Variants in CAMTA1 observed in about 807,000 individuals in gnomAD.
CAMTA1 encodes the protein calmodulin-binding transcription activator 1.
CAMTA1 carries 27 observed loss-of-function variants against 170.9 expected under a neutral mutation model. The observed-to-expected ratio is 0.16, with a 90% confidence interval of 0.12 to 0.22. CAMTA1 has a LOEUF of 0.22. Among genes scored for constraint, CAMTA1 ranks in the 10% least tolerant of loss-of-function variants. The pLI is 1.00. For synonymous variants in CAMTA1, 833 were observed against 891.5 expected, an observed-to-expected ratio of 0.93 and a Z score of 1.17; for missense variants, 1,619 against 2,217.2, an observed-to-expected ratio of 0.73 and a Z score of 5.42.
chr1:7,554,411 G>A (rs1393936090), intron 6 of CAMTA1, among the ~76,000 whole-genome samples: 1 of 152,106 alleles, frequency 6.6e-6, no homozygotes, highest in African/African-American at 2.4e-5. Context: ...CTTACATGCT[G>A]CGATAACAAA....
At chr1:7,422,882 C>T (rs545535874) in intron 5 of CAMTA1, among the ~76,000 whole-genome samples, 2 of 152,324 alleles carry the variant, frequency 1.3e-5, no homozygotes, top group East Asian at 1.9e-4. Flanking sequence ...CCCGTGGATG[C>T]GAGGGGCCCT....
chr1:7,537,659 C>T (rs991779017), intron 6 of CAMTA1, among the ~76,000 whole-genome samples: 10 of 152,156 alleles, frequency 6.6e-5, no homozygotes, highest in African/African-American at 9.7e-5. Context: ...CTTCTCAGCC[C>T]GTCCTCACTG....
Position 7,214,674 on chromosome 1 carries a change from T to C in CAMTA1, c.303-34817T>C, listed in dbSNP as rs150829428. Among the ~76,000 whole-genome samples, 16 of 152,276 alleles carry C rather than the reference T, an allele frequency of 1.1e-4. No homozygotes were observed. In the East Asian group the frequency reaches 3.1e-3, roughly 29 times the overall value. ...AGCCACTGTGCCCGGCCCAAAGATTTTAATTTTCATGAAGTCTACTTTACC... is the reference window on the plus strand; with the variant it reads ...AGCCACTGTGCCCGGCCCAAAGATTCTAATTTTCATGAAGTCTACTTTACC... On this transcript the variant is annotated intron_variant, in intron 4 of 22. Coordinates refer to ENST00000303635, the MANE Select transcript of CAMTA1 (RefSeq NM_015215.4).
intron 3 of CAMTA1, among the ~76,000 whole-genome samples, chr1:6,951,624 C>A (rs1293723027): frequency 6.6e-6 from 1 of 152,214 alleles, no homozygotes; most frequent in East Asian, 1.9e-4. Flanking sequence ...CAGGAGACCC[C>A]AGTCTCCTCC....
At chr1:7,579,552 CTTTTTTTTTTTTTTT>C (rs3034816) in intron 6 of CAMTA1, among the ~76,000 whole-genome samples, 2 of 79,200 alleles carry the variant, frequency 2.5e-5, no homozygotes, top group Admixed American at 3.2e-4. Context: ...CTTTTCTTTT[CTTTTTTTTTTTTTTT>C]TTTTTTTTTT....
chr1:6,855,101 A>T (rs1015804221), intron 3 of CAMTA1, among the ~76,000 whole-genome samples: 13 of 151,658 alleles, frequency 8.6e-5, no homozygotes, highest in Admixed American at 3.9e-4. Flanking sequence ...GTAGAAAATT[A>T]AAAAAAACCT....
chr1:7,160,185 G>T (rs1162919287), intron 4 of CAMTA1, among the ~76,000 whole-genome samples: 1 of 152,104 alleles, frequency 6.6e-6, no homozygotes, highest in Non-Finnish European at 1.5e-5. Flanking sequence ...GGAGGAAGAG[G>T]TTGCAGTGAG....
At chr1:7,666,489 G>T (rs1210961034) in intron 9 of CAMTA1, among the ~76,000 whole-genome samples, 1 of 152,212 alleles carries the variant, frequency 6.6e-6, no homozygotes, top group Non-Finnish European at 1.5e-5. Flanking sequence ...AAGCAGTAGA[G>T]GAATCTCTGC....
chr1:7,220,425 C>T (rs994165380), intron 4 of CAMTA1, among the ~76,000 whole-genome samples: 2 of 152,208 alleles, frequency 1.3e-5, no homozygotes, highest in Non-Finnish European at 2.9e-5. Flanking sequence ...TGAGTCTCGC[C>T]TGCTGTGGGC....
chr1:7,668,852 ACTGT>A (rs2096027918), intron 9 of CAMTA1, among the ~76,000 whole-genome samples: 1 of 152,136 alleles, frequency 6.6e-6, no homozygotes, highest in Non-Finnish European at 1.5e-5. Context: ...TCACATGGTA[ACTGT>A]CTGTGGCCTT....
At chr1:7,489,209 G>T (rs1274607498) in intron 6 of CAMTA1, among the ~76,000 whole-genome samples, 1 of 152,230 alleles carries the variant, frequency 6.6e-6, no homozygotes, top group East Asian at 1.9e-4. Flanking sequence ...CCGCCCCCTA[G>T]ACACACTCCC....
chr1:7,245,218 A>T (rs928780439), intron 4 of CAMTA1, among the ~76,000 whole-genome samples: 5 of 148,468 alleles, frequency 3.4e-5, no homozygotes, highest in South Asian at 2.3e-4. Context: ...TATATATATC[A>T]CACACACACA....
In CAMTA1 at chr1:7,041,162, C is replaced by A. The variant is rs781720532; in HGVS notation, c.235-50142C>A. ...AAAGTTGGCCCCAAGCCAGTGCGGGCGACGGTGTCAGCCACCCTTGGTTCA... is the reference window on the plus strand; with the variant it reads ...AAAGTTGGCCCCAAGCCAGTGCGGGAGACGGTGTCAGCCACCCTTGGTTCA... On this transcript the variant is annotated intron_variant, in intron 3 of 22. Coordinates refer to ENST00000303635, the MANE Select transcript of CAMTA1 (RefSeq NM_015215.4). This position sits in a 1 kb window ranked among gnomAD's most constrained non-coding sequence, Gnocchi z 5.1. 1.2e-4 allele frequency among the ~76,000 whole-genome samples: 18 copies of A among 152,244 alleles called. No individual in the cohort carries two copies. Among genetic ancestry groups the A allele is most frequent in the Non-Finnish European group, 2.1e-4 (14 of 68,040 alleles).
chr1:7,452,935 A>G lies in CAMTA1; in HGVS notation c.439-14895A>G, dbSNP rs191889655. Among the ~76,000 whole-genome samples the G allele has an allele frequency of 1.5e-4, 23 of 152,356 alleles. No individual in the cohort carries two copies. In the East Asian group the frequency reaches 4.4e-3, roughly 29 times the overall value. On this transcript the variant is annotated intron_variant, in intron 5 of 22. Coordinates refer to ENST00000303635, the MANE Select transcript of CAMTA1 (RefSeq NM_015215.4). ...TGTTTAACTTTTTGAGGAATGGGCCACAGTTTCTCTATGAAGTTCAAACGA... is the reference window on the plus strand; with the variant it reads ...TGTTTAACTTTTTGAGGAATGGGCCGCAGTTTCTCTATGAAGTTCAAACGA...
intron 4 of CAMTA1, among the ~76,000 whole-genome samples, chr1:7,242,771 AAAATAAATAAATAAAT>A (rs199861423): frequency 6.2e-5 from 9 of 145,462 alleles, no homozygotes; most frequent in Admixed American, 1.4e-4. Flanking sequence ...TACTGAAAAT[AAAATAAATAAATAAAT>A]AAATAAATAA....
intron 3 of CAMTA1, among the ~76,000 whole-genome samples, chr1:7,045,925 G>A (rs1306759589): frequency 3.3e-5 from 5 of 152,236 alleles, no homozygotes; most frequent in Non-Finnish European, 5.9e-5. Context: ...GCATTTGGCA[G>A]TGATGCACTG....
intron 3 of CAMTA1, among the ~76,000 whole-genome samples, chr1:7,081,573 T>C (rs576740933): frequency 1.3e-5 from 2 of 152,350 alleles, no homozygotes; most frequent in Non-Finnish European, 2.9e-5. Flanking sequence ...CTATATTGGT[T>C]CATGGTCTTA....
rs181819539 is a variant in CAMTA1, at chr1:6,991,954, G to A, written c.235-99350G>A. On this transcript the variant is annotated intron_variant, in intron 3 of 22. Transcript: ENST00000303635. ...TGGCCTCAAGTGATCCGCCTGCCTC[G>A]GCCTCCCAAAGTGCTGGGATTACAG... 5.3e-3 allele frequency among the ~76,000 whole-genome samples: 812 copies of A among 151,856 alleles called. 24 individuals are homozygous for A. The highest frequency in any genetic ancestry group is 0.049 in the Admixed American group (744 of 15,254).
In CAMTA1 at chr1:7,664,602, G is replaced by C. The variant is rs777218778; in HGVS notation, c.2055G>C (p.Thr685=). Residue 685 remains threonine, a synonymous_variant, in exon 9 of 23, where the codon ACG becomes ACC. Transcript: ENST00000303635. ...TCCAGGCCAACTTCCAGGCCATGAC[G>C]GCAGAAGGGGAGGTCACCATGGAGA... ...MQFQANFQAM[T]AEGEVTMETS... is the part of the protein sequence containing the mutation. The C allele has an allele frequency of 1.4e-5, 23 of 1,611,840 alleles. No homozygotes were observed. The highest frequency in any genetic ancestry group is 2.0e-5 in the Non-Finnish European group (23 of 1,178,976).
Sources: gnomAD v4.1 joint callset for allele counts (sites outside exome capture counted in the v4.1 genomes callset) on GRCh38, gnomAD v4.1.1 for gene constraint, Gnocchi (gnomAD v3.1) non-coding constraint, MANE v1.5 for transcripts, NCBI Gene and HGNC (gene_info 2026-07-23, HGNC 2026-07-21) for gene names.